The following GPATCH2L variants were observed in gnomAD, a reference collection of about 807,000 sequenced individuals.
GPATCH2L encodes G-patch domain containing 2 like.
GPATCH2L carries 31 observed loss-of-function variants against 57.4 expected under a neutral mutation model. That is an observed-to-expected ratio of 0.54 (90% CI 0.41 to 0.73). The LOEUF is 0.73. Ranked by LOEUF, GPATCH2L falls within the 30% of genes least tolerant of loss-of-function variation. The pLI is 0.00. For missense variants in GPATCH2L, 481 were observed against 599.9 expected, an observed-to-expected ratio of 0.80 and a Z score of 2.07; for synonymous variants, 199 against 210.7, an observed-to-expected ratio of 0.94 and a Z score of 0.48.
intron 7 of GPATCH2L, chr14:76,178,384 C>T: frequency 1.9e-6 from 1 of 512,906 alleles, no homozygotes; most frequent in Non-Finnish European, 3.0e-6. Context: ...AACCTTATGT[C>T]ACCAGGAACC....
intron 4 of GPATCH2L, among the ~76,000 whole-genome samples, chr14:76,173,342 G>A (rs1345512816): frequency 1.3e-5 from 2 of 152,048 alleles, no homozygotes; most frequent in Non-Finnish European, 2.9e-5. Context: ...AGGATGCCTA[G>A]GTCAAAGGTA....
At chr14:76,177,839 T>C in intron 6 of GPATCH2L, 149 bp from the exon 7 acceptor site, 1 of 1,111,408 alleles carries the variant, frequency 9.0e-7, no homozygotes, top group East Asian at 2.4e-5. Flanking sequence ...TCTGTAATTT[T>C]CCTATCACTT....
chr14:76,169,317 C>T (rs2038982427), intron 3 of GPATCH2L, among the ~76,000 whole-genome samples: 1 of 152,142 alleles, frequency 6.6e-6, no homozygotes, highest in Non-Finnish European at 1.5e-5. Flanking sequence ...TTATTATGTG[C>T]AACCACAGTA....
intron 2 of GPATCH2L, chr14:76,230,435 G>C (rs2040555726): frequency 6.6e-6 from 1 of 151,860 alleles, no homozygotes; most frequent in Non-Finnish European, 1.5e-5. Flanking sequence ...TCTAACTTGG[G>C]CCTCAGCTTC....
intron 2 of GPATCH2L, among the ~76,000 whole-genome samples, chr14:76,233,189 G>A (rs935331): frequency 0.3 from 45,939 of 152,096 alleles, 8,692 homozygotes; most frequent in East Asian, 0.53. Flanking sequence ...TTATTGGAGC[G>A]AAGGATATAA....
intron 9 of GPATCH2L, among the ~76,000 whole-genome samples, chr14:76,197,405 C>T (rs184843291): frequency 1.3e-5 from 2 of 152,230 alleles, no homozygotes; most frequent in East Asian, 1.9e-4. Flanking sequence ...AATCCTTGTT[C>T]CATTTTCAGG....
rs1302146873 is a variant in GPATCH2L at position 76,203,935 on chromosome 14, G to A, written c.*2084G>A. On this transcript the variant is annotated 3_prime_UTR_variant, in exon 10 of 10. Transcript: ENST00000261530. ...TGGCCTATTAGTGAAAACCTCCAAA[G>A]GTCAGGTGGCCAAGGTGTTCCCACA... 2.0e-5 allele frequency: 3 copies of A among 152,130 alleles called. No individual in the cohort carries two copies. Among genetic ancestry groups the A allele is most frequent in the South Asian group, 2.1e-4 (1 of 4,820 alleles). The allele number at this position is 152,130 out of a possible 1,614,324, so 9.4% of individuals were successfully genotyped here.
At chr14:76,152,923 A>T in intron 1 of GPATCH2L, 2 of 350,936 alleles carry the variant, frequency 5.7e-6, no homozygotes, top group Non-Finnish European at 1.1e-5. Context: ...AACCTCAATC[A>T]TGGCATTTTA....
Position 76,209,735 on chromosome 14 carries a change from C to T in GPATCH2L, c.*7884C>T, listed in dbSNP as rs1415418691. Reference sequence around the variant, plus strand: ...AGAACTTTTTATTGGGGCATCAGCACTAGCCCTATGAATACAGTGAAACTT... The same window carrying T: ...AGAACTTTTTATTGGGGCATCAGCATTAGCCCTATGAATACAGTGAAACTT... On this transcript the variant is annotated 3_prime_UTR_variant, in exon 10 of 10. Transcript: ENST00000261530. 1 of 152,228 alleles carries T rather than the reference C, an allele frequency of 6.6e-6. No individual in the cohort carries two copies. Among genetic ancestry groups the T allele is most frequent in the African/African-American group, 2.4e-5 (1 of 41,462 alleles). The allele number at this position is 152,228 out of a possible 1,614,324, so 9.4% of individuals were successfully genotyped here.
chr14:76,179,224 T>C (rs2039464229), intron 7 of GPATCH2L: 1 of 152,226 alleles, frequency 6.6e-6, no homozygotes, highest in African/African-American at 2.4e-5. Flanking sequence ...GGCATATAGA[T>C]GCCCAATTTT....
chr14:76,232,011 A>ACTGCAGGCTCACTGCAGCCTC, intron 2 of GPATCH2L, among the ~76,000 whole-genome samples: 1 of 150,438 alleles, frequency 6.6e-6, no homozygotes, highest in Non-Finnish European at 1.5e-5. Flanking sequence ...CTGCAGGCTC[A>ACTGCAGGCTCACTGCAGCCTC]AGCAATCTTC....
rs768509035 is a variant in GPATCH2L, at chr14:76,195,948, G to A, written c.1264G>A (p.Ala422Thr). Residue 422 changes from alanine (A) to threonine (T), a missense_variant, in exon 9 of 10, where the codon GCA (alanine) becomes ACA (threonine). Transcript: ENST00000261530. The stretch of plus-strand genomic sequence containing the variant: ...GAGGAAGCGGAAACCAGTGGCCACA[G>A]CATCTTTGTCTAGCCCCAGTGCAGG... ...IKRKRKPVAT[A>T]SLSSPSAVHM... The A allele has an allele frequency of 6.2e-7, 1 of 1,613,442 alleles. No individual in the cohort carries two copies. The highest frequency in any genetic ancestry group is 8.5e-7 in the Non-Finnish European group (1 of 1,179,408).
rs2040368574 is a variant in GPATCH2L, at chr14:76,205,774, T to C, written c.*3923T>C. 6.6e-6 allele frequency: 1 copy of C among 152,298 alleles called. No homozygotes were observed. The highest frequency in any genetic ancestry group is 1.5e-5 in the Non-Finnish European group (1 of 68,062). The allele number at this position is 152,298 out of a possible 1,614,324, so 9.4% of individuals were successfully genotyped here. A position where few individuals can be genotyped will look rare whatever the true frequency, so the allele number is the denominator to read the frequency against. On this transcript the variant is annotated 3_prime_UTR_variant, in exon 10 of 10. Transcript: ENST00000261530. ...GCTGGCACAGTCATTGCTGATGCGA[T>C]GGGTTCTCCACTTTGGCTCCAGGCG... is the stretch of plus-strand genomic sequence containing the variant.
At chr14:76,180,259 C>T (rs2039510208) in intron 7 of GPATCH2L, among the ~76,000 whole-genome samples, 1 of 152,126 alleles carries the variant, frequency 6.6e-6, no homozygotes, top group South Asian at 2.1e-4. Flanking sequence ...TAATTTTTAA[C>T]ACCCAGTATC....
rs912312054 is a variant in GPATCH2L at position 76,154,217 on chromosome 14, T to C, written c.-10-137T>C. On this transcript the variant is annotated intron_variant, in intron 1 of 9. Transcript: ENST00000261530. This position sits in a 1 kb window ranked among gnomAD's most constrained non-coding sequence, Gnocchi z 4.4. ...GTGTAGCCAGATGAAAGGTGACTTATTTTGTTTAGACAGGCAGAACTGTGG... is the reference window on the plus strand; with the variant it reads ...GTGTAGCCAGATGAAAGGTGACTTACTTTGTTTAGACAGGCAGAACTGTGG... 3 of 668,884 alleles carry C rather than the reference T, an allele frequency of 4.5e-6. No individual in the cohort carries two copies. The highest frequency in any genetic ancestry group is 3.6e-5 in the African/African-American group (2 of 55,076). 41.4% of individuals were successfully genotyped at this position (668,884 alleles called of 1,614,324 possible).
At chr14:76,175,771 C>G (rs2039295809) in intron 5 of GPATCH2L, 1 of 152,182 alleles carries the variant, frequency 6.6e-6, no homozygotes, top group African/African-American at 2.4e-5. Flanking sequence ...GGTCCACACA[C>G]ATAGATGAAT....
chr14:76,158,725 T>C (rs948051159), intron 2 of GPATCH2L, among the ~76,000 whole-genome samples: 6 of 152,206 alleles, frequency 3.9e-5, no homozygotes, highest in African/African-American at 1.4e-4. Context: ...ACCAAGAATA[T>C]ATTTACCATT....
At chr14:76,228,773 A>C (rs1055010527) in intron 1 of GPATCH2L, among the ~76,000 whole-genome samples, 3 of 152,164 alleles carry the variant, frequency 2.0e-5, no homozygotes, top group African/African-American at 7.2e-5. Flanking sequence ...TGGTGGAGAG[A>C]GAAACAGTGG....
chr14:76,192,075 G>A (rs1394798691), intron 8 of GPATCH2L, among the ~76,000 whole-genome samples: 3 of 148,810 alleles, frequency 2.0e-5, no homozygotes, highest in Non-Finnish European at 4.4e-5. Flanking sequence ...TTAACCTAAT[G>A]TCCTCTAGTT....
Sources: allele counts gnomAD v4.1 joint callset (sites outside exome capture counted in the v4.1 genomes callset), GRCh38; gene constraint gnomAD v4.1.1; non-coding constraint Gnocchi (gnomAD v3.1); transcripts MANE v1.5; gene names NCBI Gene and HGNC (gene_info 2026-07-23, HGNC 2026-07-21).